Variants in ANKRD30B observed in about 807,000 individuals in gnomAD.
The protein encoded by ANKRD30B is ankyrin repeat domain 30B.
A neutral mutation model predicts 202.2 loss-of-function variants in ANKRD30B; 144 were observed. The ratio of observed to expected loss-of-function variants is 0.71; its 90% CI spans 0.62 to 0.82. The LOEUF (loss-of-function observed/expected upper bound fraction) is 0.82. ANKRD30B is among the 40% of genes least tolerant of loss of function. The pLI, the probability that ANKRD30B is intolerant of heterozygous loss-of-function variation, is 0.00. For missense variants in ANKRD30B, 1,487 were observed against 1,669.1 expected, an observed-to-expected ratio of 0.89 and a Z score of 1.90; for synonymous variants, 508 against 561.3, an observed-to-expected ratio of 0.91 and a Z score of 1.34.
At chr18:14,902,244 A>G in the ANKRD30B span, among the ~76,000 whole-genome samples, 1 of 152,284 alleles carries the variant, frequency 6.6e-6, no homozygotes, top group East Asian at 1.9e-4. Context: ...AGGTGGGGAC[A>G]CAAAGCCAAA....
the ANKRD30B span, among the ~76,000 whole-genome samples, chr18:14,884,371 G>T: frequency 1.3e-5 from 2 of 152,096 alleles, no homozygotes; most frequent in Non-Finnish European, 1.5e-5. Flanking sequence ...CACCTCATGA[G>T]GAATTCTGAA....
Position 14,808,655 on chromosome 18 carries a change from T to A in ANKRD30B, c.2314-17T>A, listed in dbSNP as rs1264618725. The A allele has an allele frequency of 6.5e-7, 1 of 1,545,310 alleles. No individual in the cohort carries two copies. Among genetic ancestry groups the A allele is most frequent in the African/African-American group, 1.4e-5 (1 of 71,400 alleles). On this transcript the variant is annotated splice_polypyrimidine_tract_variant and intron_variant, in intron 25 of 43. Transcript: ENST00000690538. ...TATACATTATATATTAATTTTTGTGTTTCCAAACCCATTTAGCCTACCTGT... is the reference window on the plus strand; with the variant it reads ...TATACATTATATATTAATTTTTGTGATTCCAAACCCATTTAGCCTACCTGT...
At chr18:14,902,021 A>C in the ANKRD30B span, among the ~76,000 whole-genome samples, 1 of 152,310 alleles carries the variant, frequency 6.6e-6, no homozygotes, top group East Asian at 1.9e-4. Flanking sequence ...GGCAGGAGGC[A>C]AAAGGCACTT....
chr18:14,852,327 T>C lies in ANKRD30B; in HGVS notation c.4383T>C (p.Arg1461=). The part of the protein sequence containing the change: ...NIQFPEMKMQ[R]HLNEKNEEVF... ...AGTTTCCTGAGATGAAAATGCAACG[T>C]CATCTAAACGAGAAAAATGAGGAGG... The change falls in exon 42 of 44, where the codon CGT becomes CGC. Residue 1461 remains arginine, a synonymous_variant. Coordinates refer to ENST00000690538, the MANE Select transcript of ANKRD30B (RefSeq NM_001367607.2). 1 of 1,544,840 alleles carries C rather than the reference T, an allele frequency of 6.5e-7. No homozygotes were observed. The highest frequency in any genetic ancestry group is 8.7e-7 in the Non-Finnish European group (1 of 1,144,944).
chr18:14,758,384 A>C (rs1914709110), intron 5 of ANKRD30B, among the ~76,000 whole-genome samples: 1 of 152,128 alleles, frequency 6.6e-6, no homozygotes, highest in Non-Finnish European at 1.5e-5. Context: ...GGACACGGCC[A>C]TTCTCTTCTT....
At chr18:14,821,041 T>G (rs1166148195) in intron 30 of ANKRD30B, among the ~76,000 whole-genome samples, 2 of 152,188 alleles carry the variant, frequency 1.3e-5, no homozygotes, top group Non-Finnish European at 2.9e-5. Context: ...CAATTTCAGA[T>G]CCTGTTATTG....
chr18:14,866,266 C>A, the ANKRD30B span, among the ~76,000 whole-genome samples: 1 of 152,202 alleles, frequency 6.6e-6, no homozygotes, highest in African/African-American at 2.4e-5. Context: ...GAGCCTGTAA[C>A]ACTGTGGCTC....
At chr18:14,771,290 T>C (rs1966987771) in intron 8 of ANKRD30B, among the ~76,000 whole-genome samples, 1 of 152,164 alleles carries the variant, frequency 6.6e-6, no homozygotes, top group Admixed American at 6.5e-5. Flanking sequence ...ACTTTCACTA[T>C]ATATAGTGGC....
rs576066615 is a variant in ANKRD30B at position 14,763,561 on chromosome 18, G to T, written c.821-125G>T. 40 of 1,359,886 alleles carry T rather than the reference G, an allele frequency of 2.9e-5. No homozygotes were observed. The African/African-American group carries it at 5.4e-4, about 18-fold the overall frequency. 84.2% of individuals were successfully genotyped at this position (1,359,886 alleles called of 1,614,324 possible). ...CAAGACTCCATCAAAAAAAAGAGAA[G>T]AGAGAAAAGAAAAGTTTGGTAATAT... On this transcript the variant is annotated intron_variant, in intron 6 of 43. Transcript: ENST00000690538.
chr18:14,831,181 G>GAAAAAAAAAAAAAAAAAAA (rs71305894), intron 33 of ANKRD30B, among the ~76,000 whole-genome samples: 7 of 52,348 alleles, frequency 1.3e-4, no homozygotes, highest in East Asian at 6.8e-4. Flanking sequence ...CTCCGTCTCG[G>GAAAAAAAAAAAAAAAAAAA]AAAAAAAAAA....
intron 20 of ANKRD30B, among the ~76,000 whole-genome samples, chr18:14,798,178 A>T (rs1969052194): frequency 6.9e-6 from 1 of 144,202 alleles, no homozygotes; most frequent in Non-Finnish European, 1.5e-5. Context: ...GTCCAGGAGA[A>T]TCACCGCCTT....
At chr18:14,777,459 G>A (rs1033064794) in intron 9 of ANKRD30B, among the ~76,000 whole-genome samples, 3 of 151,674 alleles carry the variant, frequency 2.0e-5, no homozygotes, top group South Asian at 2.1e-4. Context: ...CACCACGCCA[G>A]GCTAATTTTT....
At chr18:14,938,955 C>G in the ANKRD30B span, among the ~76,000 whole-genome samples, 1 of 152,176 alleles carries the variant, frequency 6.6e-6, no homozygotes, top group Non-Finnish European at 1.5e-5. Context: ...GACAGAGGGA[C>G]CCCTCTAGAG....
At chr18:14,786,490 A>G (rs1225592515) in intron 14 of ANKRD30B, among the ~76,000 whole-genome samples, 2 of 152,222 alleles carry the variant, frequency 1.3e-5, no homozygotes, top group Non-Finnish European at 2.9e-5. Context: ...CCTAAAACAT[A>G]TACACACCCA....
Position 14,797,663 on chromosome 18 carries a change from T to C in ANKRD30B, c.1930T>C (p.Ser644Pro). ...TATAAATGTCCCTTTTCTTTTAGAGTCTCCTGATAAAGATGGTCTTCTGAA... is the reference window on the plus strand; with the variant it reads ...TATAAATGTCCCTTTTCTTTTAGAGCCTCCTGATAAAGATGGTCTTCTGAA... Reference protein sequence around the residue: ...LKDRETFKAESPDKDGLLKPT... With the variant: ...LKDRETFKAEPPDKDGLLKPT... The change falls in exon 19 of 44, where the codon TCT becomes CCT. Residue 644 changes from serine (S) to proline (P), a missense_variant and splice_region_variant. Coordinates refer to ENST00000690538, the MANE Select transcript of ANKRD30B (RefSeq NM_001367607.2). 1 of 1,607,454 alleles carries C rather than the reference T, an allele frequency of 6.2e-7. No homozygotes were observed.
At chr18:14,823,962 TC>T (rs201656884) in intron 32 of ANKRD30B, among the ~76,000 whole-genome samples, 2,184 of 152,190 alleles carry the variant, frequency 0.014, 59 homozygotes, top group African/African-American at 0.05. Context: ...AGAGTGAGAC[TC>T]CCATCTCAAA....
intron 20 of ANKRD30B, 134 bp downstream of exon 20, chr18:14,797,988 T>C: frequency 1.1e-6 from 1 of 942,722 alleles, no homozygotes. Context: ...AATGCCAATG[T>C]TAGTATTTAT....
the ANKRD30B span, among the ~76,000 whole-genome samples, chr18:14,872,551 G>A: frequency 6.6e-6 from 1 of 152,186 alleles, no homozygotes; most frequent in South Asian, 2.1e-4. Flanking sequence ...ATGCAGCGTG[G>A]TCCTTTCCCC....
At chr18:14,915,106 C>T in the ANKRD30B span, among the ~76,000 whole-genome samples, 1 of 152,174 alleles carries the variant, frequency 6.6e-6, no homozygotes, top group African/African-American at 2.4e-5. Flanking sequence ...AGCTGATCTC[C>T]ATGCTCCCCC....
Sources: gnomAD v4.1 joint callset for allele counts (sites outside exome capture counted in the v4.1 genomes callset) on GRCh38, gnomAD v4.1.1 for gene constraint, MANE v1.5 for transcripts, NCBI Gene and HGNC (gene_info 2026-07-23, HGNC 2026-07-21) for gene names.